The following TOMM70 variants were observed in gnomAD, a reference collection of about 807,000 sequenced individuals.
The protein encoded by TOMM70 is translocase of outer mitochondrial membrane 70.
Under a neutral mutation model 73.6 loss-of-function variants are expected in TOMM70, and 13 were observed. The ratio of observed to expected loss-of-function variants is 0.18; its 90% CI spans 0.11 to 0.28. TOMM70 has a LOEUF of 0.28. Ranked by LOEUF, TOMM70 falls within the 10% of genes least tolerant of loss-of-function variation. The pLI is 1.00. For synonymous variants in TOMM70, 257 were observed against 271.2 expected, an observed-to-expected ratio of 0.95 and a Z score of 0.51; for missense variants, 609 against 747.5, an observed-to-expected ratio of 0.81 and a Z score of 2.16.
intron 11 of TOMM70, among the ~76,000 whole-genome samples, chr3:100,366,006 T>A (rs1476795661): frequency 6.6e-6 from 1 of 152,268 alleles, no homozygotes; most frequent in Non-Finnish European, 1.5e-5. Flanking sequence ...ATTCTGTGTT[T>A]ACTGATAAGA....
At chr3:100,386,443 T>TAAA (rs1404667587) in intron 2 of TOMM70, 99 bp from the exon 3 acceptor site, 1 of 1,224,774 alleles carries the variant, frequency 8.2e-7, no homozygotes, top group African/African-American at 1.5e-5. Context: ...AGTCCTAGAA[T>TAAA]AAAAAAGTAT....
chr3:100,367,841 C>A (rs971573279), intron 11 of TOMM70, among the ~76,000 whole-genome samples: 1 of 152,164 alleles, frequency 6.6e-6, no homozygotes, highest in Non-Finnish European at 1.5e-5. Context: ...TGGCTGGATG[C>A]TTCTTTGGAG....
At position 100,368,123 on chromosome 3, in the gene TOMM70, C is replaced by G. The variant is rs1429724482; in HGVS notation, c.1594G>C (p.Glu532Gln). The G allele has an allele frequency of 1.9e-6, 3 of 1,613,608 alleles. No individual in the cohort carries two copies. Among genetic ancestry groups the G allele is most frequent in the Non-Finnish European group, 2.5e-6 (3 of 1,179,912 alleles). The change falls in exon 11 of 12, where the codon GAA becomes CAA. Residue 532 changes from glutamate to glutamine, a missense_variant. Physicochemically the swap from Glu to Gln is conservative, Grantham distance 29. Coordinates refer to ENST00000284320, the MANE Select transcript of TOMM70 (RefSeq NM_014820.5). The stretch of plus-strand genomic sequence containing the variant: ...ATTTCAATAGCCTTGCTGATAAGTT[C>G]CAAACCTCTATCCAGATCTTGCTTC... ...QWKQDLDRGLELISKAIEIDN... is the reference protein window; with the variant it reads ...QWKQDLDRGLQLISKAIEIDN...
intron 2 of TOMM70, 127 bp downstream of exon 2, chr3:100,386,675 TAAG>T (rs1229224034): frequency 3.5e-6 from 4 of 1,156,574 alleles, no homozygotes; most frequent in Non-Finnish European, 3.6e-6. Context: ...TTAATGGAAA[TAAG>T]AACAACATCC....
intron 1 of TOMM70, among the ~76,000 whole-genome samples, chr3:100,398,108 T>G (rs546421249): frequency 1.9e-4 from 29 of 151,898 alleles, no homozygotes; most frequent in Admixed American, 7.9e-4. Context: ...TTTCAGCCGG[T>G]GAGGTGGCTC....
chr3:100,366,719 C>A (rs1182442347), intron 11 of TOMM70, among the ~76,000 whole-genome samples: 2 of 152,164 alleles, frequency 1.3e-5, no homozygotes, highest in Non-Finnish European at 2.9e-5. Context: ...TTTCAAAGTT[C>A]AATTAACGTG....
Position 100,400,998 on chromosome 3 carries a change from T to C in TOMM70, c.-49A>G, listed in dbSNP as rs1706896029. 2.7e-6 allele frequency: 4 copies of C among 1,508,066 alleles called. No homozygotes were observed. Among genetic ancestry groups the C allele is most frequent in the Non-Finnish European group, 2.7e-6 (3 of 1,127,002 alleles). The allele number at this position is 1,508,066 out of a possible 1,614,324, so 93.4% of individuals were successfully genotyped here. A position where few individuals can be genotyped will look rare whatever the true frequency, so the allele number is the denominator to read the frequency against. On this transcript the variant is annotated 5_prime_UTR_variant, in exon 1 of 12. Transcript: ENST00000284320. ...TCCCTGTCTGTCGCGAGCGCCACAA[T>C]CACCAAACAGCGTGCGAAGGAAGAC...
intron 6 of TOMM70, among the ~76,000 whole-genome samples, chr3:100,376,287 A>G (rs1706563244): frequency 6.6e-6 from 1 of 151,440 alleles, no homozygotes; most frequent in African/African-American, 2.4e-5. Context: ...ACAAGCTCCT[A>G]ATCAGATATA....
intron 1 of TOMM70, among the ~76,000 whole-genome samples, chr3:100,387,593 G>C (rs867636177): frequency 9.6e-4 from 95 of 98,686 alleles, no homozygotes; most frequent in Middle Eastern, 4.7e-3. Context: ...CACAGACACA[G>C]ACACAGACAC....
chr3:100,392,100 T>C (rs892370517), intron 1 of TOMM70, among the ~76,000 whole-genome samples: 1 of 152,220 alleles, frequency 6.6e-6, no homozygotes, highest in African/African-American at 2.4e-5. Flanking sequence ...CTAGGATCAA[T>C]AGGTTATGCC....
chr3:100,390,719 C>G (rs1706749750), intron 1 of TOMM70, among the ~76,000 whole-genome samples: 1 of 152,062 alleles, frequency 6.6e-6, no homozygotes, highest in Non-Finnish European at 1.5e-5. Context: ...ATCCCAGCTA[C>G]TCAGAAGGCT....
chr3:100,384,450 C>T (rs1396029653), intron 4 of TOMM70, 29 bp downstream of exon 4: 6 of 1,510,830 alleles, frequency 4.0e-6, no homozygotes, highest in Non-Finnish European at 2.7e-6. Context: ...ACACAGTACT[C>T]CCCCATTCCC....
intron 1 of TOMM70, among the ~76,000 whole-genome samples, chr3:100,392,516 A>C (rs1482879189): frequency 3.3e-5 from 5 of 152,066 alleles, no homozygotes. Flanking sequence ...TCTGGGTTCA[A>C]GTGATTCTTC....
At chr3:100,371,975 AC>A (rs1706514835) in intron 9 of TOMM70, 1 of 152,226 alleles carries the variant, frequency 6.6e-6, no homozygotes, top group South Asian at 2.1e-4. Flanking sequence ...AGACACCAAA[AC>A]CAATTTTCAG....
intron 1 of TOMM70, among the ~76,000 whole-genome samples, chr3:100,388,304 G>A (rs746990097): frequency 1.3e-5 from 2 of 152,128 alleles, no homozygotes. Flanking sequence ...GCAATCGTCA[G>A]GGTGATTGCT....
chr3:100,377,847 C>A lies in TOMM70; in HGVS notation c.950G>T (p.Cys317Phe). 1 of 1,614,188 alleles carries A rather than the reference C, an allele frequency of 6.2e-7. No homozygotes were observed. Among genetic ancestry groups the A allele is most frequent in the Middle Eastern group, 1.7e-4 (1 of 6,050 alleles). ...EENYDKIISECSKEIDAEGKY... is the reference protein window; with the variant it reads ...EENYDKIISEFSKEIDAEGKY... ...GCCTTCAGCATCTATTTCTTTTGAG[C>A]ATTCACTTATGATTTTATCGTAGTT... Residue 317 changes from cysteine (C) to phenylalanine (F), a missense_variant, in exon 6 of 12, where the codon TGC (cysteine) becomes TTC (phenylalanine). Transcript: ENST00000284320.
chr3:100,379,363 C>G (rs1408654934), intron 5 of TOMM70, among the ~76,000 whole-genome samples: 1 of 152,148 alleles, frequency 6.6e-6, no homozygotes, highest in African/African-American at 2.4e-5. Flanking sequence ...GTGGCTCATG[C>G]CTGTAATCCC....
chr3:100,374,448 G>GCATA (rs554598666), intron 7 of TOMM70, among the ~76,000 whole-genome samples: 87 of 152,248 alleles, frequency 5.7e-4, no homozygotes, highest in Non-Finnish European at 1.2e-3. Context: ...TATTATTAAT[G>GCATA]CATAGCTCAC....
rs1706430099 is a variant in TOMM70 at position 100,364,777 on chromosome 3, T to C, written c.*787A>G. 1 of 152,212 alleles carries C rather than the reference T, an allele frequency of 6.6e-6. No individual in the cohort carries two copies. The highest frequency in any genetic ancestry group is 2.1e-4 in the South Asian group (1 of 4,834). The allele number at this position is 152,212 out of a possible 1,614,324, so 9.4% of individuals were successfully genotyped here. On this transcript the variant is annotated 3_prime_UTR_variant, in exon 12 of 12. Transcript: ENST00000284320. The stretch of plus-strand genomic sequence containing the variant: ...CACCATTAAATAGTACTAATTATTA[T>C]AGAAAATAGTCACAGACAATTATAA...
Sources: allele counts gnomAD v4.1 joint callset (sites outside exome capture counted in the v4.1 genomes callset), GRCh38; gene constraint gnomAD v4.1.1; transcripts MANE v1.5; gene names NCBI Gene and HGNC (gene_info 2026-07-23, HGNC 2026-07-21).